Variants in AXDND1 observed in about 807,000 individuals in gnomAD.
AXDND1 encodes axonemal dynein light chain domain-containing protein 1.
A neutral mutation model predicts 137.5 loss-of-function variants in AXDND1; 110 were observed. The observed-to-expected ratio is 0.80, with a 90% CI of 0.69 to 0.94. The LOEUF (loss-of-function observed/expected upper bound fraction) is 0.94, where lower values mean the gene tolerates loss of function less well. Among genes scored for constraint, AXDND1 ranks in the 40% least tolerant of loss-of-function variants. The pLI is 0.00. For synonymous variants in AXDND1, 414 were observed against 399.7 expected (o/e 1.04, Z -0.43); for missense variants, 1,191 against 1,169.8 (o/e 1.02, Z -0.26).
chr1:179,547,488 G>A (rs1407560230), intron 25 of AXDND1, among the ~76,000 whole-genome samples: 4 of 152,190 alleles, frequency 2.6e-5, no homozygotes, highest in East Asian at 1.9e-4. Flanking sequence ...AGCAAAGAAC[G>A]TGTAAGGCAG....
At chr1:179,550,004 G>T (rs1181010515) in intron 25 of AXDND1, among the ~76,000 whole-genome samples, 1 of 152,064 alleles carries the variant, frequency 6.6e-6, no homozygotes, top group African/African-American at 2.4e-5. Flanking sequence ...CCTGGGTCTG[G>T]TAGATTTTGT....
chr1:179,382,152 C>T (rs1239922407), intron 6 of AXDND1, among the ~76,000 whole-genome samples: 1 of 151,828 alleles, frequency 6.6e-6, no homozygotes, highest in Non-Finnish European at 1.5e-5. Context: ...GATCTCTGCT[C>T]ACTGCAACCC....
chr1:179,442,798 G>A (rs1019252195), intron 15 of AXDND1, among the ~76,000 whole-genome samples: 39 of 152,120 alleles, frequency 2.6e-4, no homozygotes, highest in African/African-American at 7.7e-4. Context: ...TTGAAGTCCT[G>A]TGTTCGGATG....
intron 16 of AXDND1, among the ~76,000 whole-genome samples, chr1:179,467,856 G>A (rs1271894108): frequency 6.6e-6 from 1 of 152,088 alleles, no homozygotes; most frequent in Non-Finnish European, 1.5e-5. Flanking sequence ...AGATGGGAAT[G>A]TTTTCATTTT....
rs1203058379 is a variant in AXDND1, at chr1:179,394,004, A to G, written c.965A>G (p.Glu322Gly). 1.2e-6 allele frequency: 2 copies of G among 1,610,186 alleles called. No individual in the cohort carries two copies. The highest frequency in any genetic ancestry group is 4.5e-5 in the East Asian group (2 of 44,632). Residue 322 changes from glutamate to glycine, a missense_variant, in exon 10 of 26, where the codon GAA becomes GGA. By Grantham distance (98) the Glu-to-Gly change is moderately conservative. Transcript: ENST00000367618. ...GTGATGGACCAGCGCATTTTAGAAG[A>G]ATTGTATAATTTCAAGCATGTTATT... ...QRVMDQRILE[E>G]LYNFKHVIEE...
chr1:179,447,887 A>G lies in AXDND1; in HGVS notation c.1798+2683A>G, dbSNP rs978736113. The G allele has an allele frequency of 1.0e-5, 14 of 1,353,602 alleles. No individual in the cohort carries two copies. In the African/African-American group the frequency reaches 1.9e-4, roughly 18 times the overall value. The allele number at this position is 1,353,602 out of a possible 1,614,324, so 83.8% of individuals were successfully genotyped here. On this transcript the variant is annotated intron_variant, in intron 16 of 25. Coordinates refer to ENST00000367618, the MANE Select transcript of AXDND1 (RefSeq NM_144696.6). ...GGTGGTCTCTGAGGAGCTCCAGGGG[A>G]CACATTTCTATGTAATATGGTTTGA... is the stretch of plus-strand genomic sequence containing the variant.
chr1:179,413,400 C>T (rs1044855340), intron 12 of AXDND1, among the ~76,000 whole-genome samples: 1 of 152,164 alleles, frequency 6.6e-6, no homozygotes, highest in African/African-American at 2.4e-5. Context: ...TCCTTTCCCA[C>T]CCTCCCCACT....
chr1:179,372,067 C>A lies in AXDND1; in HGVS notation c.374+1989C>A, dbSNP rs1668089189. On this transcript the variant is annotated intron_variant, in intron 4 of 25. Coordinates refer to ENST00000367618, the MANE Select transcript of AXDND1 (RefSeq NM_144696.6). Reference sequence around the variant, plus strand: ...TAATAAATTTATGTTGTTTAAGATGCTAAATTTGTGGTAATTTGTTATGGC... The same window carrying A: ...TAATAAATTTATGTTGTTTAAGATGATAAATTTGTGGTAATTTGTTATGGC... 3.9e-5 allele frequency among the ~76,000 whole-genome samples: 6 copies of A among 152,266 alleles called. No individual in the cohort carries two copies. The South Asian group carries it at 1.2e-3, about 32-fold the overall frequency.
chr1:179,443,135 G>A (rs1045187021), intron 15 of AXDND1, among the ~76,000 whole-genome samples: 1 of 152,142 alleles, frequency 6.6e-6, no homozygotes, highest in Non-Finnish European at 1.5e-5. Flanking sequence ...ATGTCCCTCA[G>A]CAAACCTTTT....
intron 2 of AXDND1, among the ~76,000 whole-genome samples, chr1:179,367,398 C>T (rs986901673): frequency 2.0e-5 from 3 of 152,094 alleles, no homozygotes; most frequent in African/African-American, 7.2e-5. Context: ...GCCTGTAGTC[C>T]CAGCTACTCA....
chr1:179,502,776 A>G lies in AXDND1; in HGVS notation c.2389-6520A>G, dbSNP rs116824471. Among the ~76,000 whole-genome samples, 193 of 151,718 alleles carry G rather than the reference A, an allele frequency of 1.3e-3. 1 individual carries two copies. The highest frequency in any genetic ancestry group is 4.4e-3 in the African/African-American group (183 of 41,354). ...CAGTATACTAGATAAGCTCTTACAC[A>G]AGTGCTCTAGACTAAGAGACATACA... On this transcript the variant is annotated intron_variant, in intron 20 of 25. Transcript: ENST00000367618.
intron 16 of AXDND1, chr1:179,456,665 A>G: frequency 1.2e-6 from 1 of 827,504 alleles, no homozygotes; most frequent in Non-Finnish European, 2.1e-6. Context: ...CAAAGCCATC[A>G]TGACCACTGA....
chr1:179,537,362 G>C (rs1276583740), intron 25 of AXDND1, among the ~76,000 whole-genome samples: 1 of 152,150 alleles, frequency 6.6e-6, no homozygotes. Flanking sequence ...TTATTATCTT[G>C]AGATACGTTC....
At chr1:179,460,226 T>A (rs188195997) in intron 16 of AXDND1, among the ~76,000 whole-genome samples, 228 of 149,062 alleles carry the variant, frequency 1.5e-3, no homozygotes, top group Non-Finnish European at 2.4e-3. Flanking sequence ...CGGTATGTGA[T>A]GTTCCCCACC....
At chr1:179,404,910 T>G (rs1652695286) in intron 11 of AXDND1, among the ~76,000 whole-genome samples, 1 of 152,142 alleles carries the variant, frequency 6.6e-6, no homozygotes. Context: ...GGAGACTTTT[T>G]TTTTTTTAAT....
intron 23 of AXDND1, among the ~76,000 whole-genome samples, chr1:179,532,518 C>G (rs560309785): frequency 2.0e-4 from 31 of 152,044 alleles, no homozygotes; most frequent in African/African-American, 7.5e-4. Flanking sequence ...AACAAGTTAC[C>G]CAAAAGAAGC....
At chr1:179,409,654 G>A (rs1464406811) in intron 11 of AXDND1, among the ~76,000 whole-genome samples, 2 of 152,118 alleles carry the variant, frequency 1.3e-5, no homozygotes, top group African/African-American at 4.8e-5. Flanking sequence ...GGCTGAGGCG[G>A]GCGGATCACT....
At chr1:179,440,974 C>T (rs1658897262) in intron 15 of AXDND1, among the ~76,000 whole-genome samples, 1 of 152,072 alleles carries the variant, frequency 6.6e-6, no homozygotes. Context: ...TGTTTTGGTC[C>T]ACAGATAGTG....
intron 12 of AXDND1, among the ~76,000 whole-genome samples, chr1:179,418,391 T>A (rs1012233522): frequency 5.9e-5 from 9 of 152,214 alleles, no homozygotes; most frequent in African/African-American, 2.2e-4. Context: ...GTCTACTTCT[T>A]TCTACACAGA....
Sources: gnomAD v4.1 joint callset for allele counts (sites outside exome capture counted in the v4.1 genomes callset) on GRCh38, gnomAD v4.1.1 for gene constraint, MANE v1.5 for transcripts, NCBI Gene and HGNC (gene_info 2026-07-23, HGNC 2026-07-21) for gene names.